The following PLA2R1 variants were observed in gnomAD, a reference collection of about 807,000 sequenced individuals.
PLA2R1 encodes the protein phospholipase A2 receptor 1.
PLA2R1 carries 158 observed loss-of-function variants against 195.9 expected under a neutral mutation model. The observed-to-expected ratio is 0.81, with a 90% CI of 0.71 to 0.92. The LOEUF (loss-of-function observed/expected upper bound fraction) is 0.92. Ranked by LOEUF, PLA2R1 falls within the 40% of genes least tolerant of loss-of-function variation. PLA2R1 has a pLI of 0.00. For synonymous variants in PLA2R1, 586 were observed against 598.2 expected, an observed-to-expected ratio of 0.98 and a Z score of 0.30; for missense variants, 1,626 against 1,764.6, an observed-to-expected ratio of 0.92 and a Z score of 1.41.
chr2:160,012,192 T>G (rs902929955), intron 10 of PLA2R1, among the ~76,000 whole-genome samples: 4 of 152,192 alleles, frequency 2.6e-5, no homozygotes, highest in African/African-American at 9.7e-5. Flanking sequence ...ATTCAGTGAA[T>G]ATTTTTAAAG....
At chr2:159,943,114 TG>T (rs11336967) in intron 28 of PLA2R1, among the ~76,000 whole-genome samples, 55,247 of 151,664 alleles carry the variant, frequency 0.36, 12,642 homozygotes, top group Non-Finnish European at 0.51. Context: ...GGATTACGGG[TG>T]TGTGCCATCA....
chr2:159,988,836 G>A (rs1431635140), intron 11 of PLA2R1, among the ~76,000 whole-genome samples: 1 of 152,212 alleles, frequency 6.6e-6, no homozygotes, highest in Non-Finnish European at 1.5e-5. Flanking sequence ...GAGGGAAAAT[G>A]AAGAGTGCAA....
intron 7 of PLA2R1, among the ~76,000 whole-genome samples, chr2:160,022,236 A>T (rs1558946794): frequency 6.6e-6 from 1 of 152,184 alleles, no homozygotes; most frequent in African/African-American, 2.4e-5. Flanking sequence ...CAGTCTGAAC[A>T]TCACCTCACC....
At chr2:160,005,876 G>T in intron 10 of PLA2R1, 55 bp from the exon 11 acceptor site, 1 of 1,247,736 alleles carries the variant, frequency 8.0e-7, no homozygotes, top group Non-Finnish European at 1.2e-6. Flanking sequence ...ATAAAAAAAT[G>T]TCATTAAAGC....
At chr2:159,982,908 T>A (rs1170065212) in intron 13 of PLA2R1, among the ~76,000 whole-genome samples, 10 of 152,156 alleles carry the variant, frequency 6.6e-5, no homozygotes, top group Non-Finnish European at 1.0e-4. Flanking sequence ...GATCACAACA[T>A]CCTCAGAGGC....
the PLA2R1 span, among the ~76,000 whole-genome samples, chr2:159,925,083 C>T: frequency 1.3e-5 from 2 of 152,154 alleles, no homozygotes; most frequent in Non-Finnish European, 2.9e-5. Flanking sequence ...CCCCCTTTCC[C>T]CGATACACAT....
intron 17 of PLA2R1, among the ~76,000 whole-genome samples, chr2:159,975,566 AC>A (rs951767123): frequency 2.0e-5 from 3 of 150,692 alleles, no homozygotes; most frequent in African/African-American, 7.3e-5. Flanking sequence ...ACTGCCAGGC[AC>A]CCCCCCAGGT....
chr2:159,967,667 T>C lies in PLA2R1; in HGVS notation c.2776A>G (p.Ser926Gly), dbSNP rs1161286695. The C allele has an allele frequency of 6.2e-7, 1 of 1,613,586 alleles. No individual in the cohort carries two copies. Among genetic ancestry groups the C allele is most frequent in the East Asian group, 2.2e-5 (1 of 44,834 alleles). ...GGCATAGAAACTGAACACTCTTCAC[T>C]ACCCCAGAGTCCTGGAGGAGAAAAT... ...FISSITGLWG[S>G]EECSVSMPSI... Residue 926 changes from serine (S) to glycine (G), a missense_variant, in exon 20 of 30, where the codon AGT becomes GGT. Ser to Gly is a moderately conservative substitution (Grantham distance 56). Transcript: ENST00000283243.
intron 20 of PLA2R1, among the ~76,000 whole-genome samples, chr2:159,963,592 A>AT (rs1688591293): frequency 1.3e-5 from 2 of 152,310 alleles, no homozygotes; most frequent in South Asian, 4.1e-4. Flanking sequence ...TTTAATAGAC[A>AT]TTTTTCCAAA....
At chr2:160,030,436 G>A (rs1201514369) in intron 4 of PLA2R1, among the ~76,000 whole-genome samples, 6 of 152,132 alleles carry the variant, frequency 3.9e-5, no homozygotes, top group African/African-American at 2.4e-5. Flanking sequence ...AAATTTTCAC[G>A]TTTCACATCC....
downstream of PLA2R1, among the ~76,000 whole-genome samples, chr2:159,928,546 T>C (rs1235422285): frequency 6.6e-6 from 1 of 152,202 alleles, no homozygotes; most frequent in East Asian, 1.9e-4. Context: ...TGTTCATGGA[T>C]AGGTGGAATC....
intron 11 of PLA2R1, among the ~76,000 whole-genome samples, chr2:159,997,669 A>T (rs57751799): frequency 0.36 from 54,452 of 151,912 alleles, 12,285 homozygotes; most frequent in Non-Finnish European, 0.49. Flanking sequence ...AGTTTTATCA[A>T]TGACAGTTCA....
At chr2:159,930,324 C>T (rs908969185), downstream of PLA2R1, among the ~76,000 whole-genome samples, 4 of 151,330 alleles carry the variant, frequency 2.6e-5, no homozygotes, top group Non-Finnish European at 5.9e-5. Context: ...AGGAGAATGG[C>T]GTGAACCTGG....
In PLA2R1 at chr2:159,984,055, C is replaced by A. The variant is rs770578914; in HGVS notation, c.2056G>T (p.Val686Phe). 5.8e-6 allele frequency: 9 copies of A among 1,563,426 alleles called. No homozygotes were observed. The highest frequency in any genetic ancestry group is 4.5e-5 in the South Asian group (4 of 88,068). ...SCFKVFHSEK[V>F]LMKRTWREAE... ...TCTCTCCATGTTCTTTTCATCAGAA[C>A]TTTTTCACTATGAAATACCTGTATA... is the stretch of plus-strand genomic sequence containing the variant. The change falls in exon 13 of 30, where the codon GTT becomes TTT. Residue 686 changes from valine to phenylalanine, a missense_variant. Transcript: ENST00000283243.
the PLA2R1 span, among the ~76,000 whole-genome samples, chr2:159,924,735 G>T: frequency 4.7e-5 from 7 of 150,236 alleles, no homozygotes; most frequent in Admixed American, 4.6e-4. Context: ...GGGCTGGGGG[G>T]GGGGCGGTGC....
intron 1 of PLA2R1, among the ~76,000 whole-genome samples, chr2:160,054,828 G>A (rs936410197): frequency 2.0e-5 from 3 of 151,918 alleles, no homozygotes; most frequent in Admixed American, 1.3e-4. Context: ...CTATGTGTTG[G>A]AACATCTCCA....
At chr2:160,051,409 GC>G (rs552110720) in intron 1 of PLA2R1, among the ~76,000 whole-genome samples, 15 of 152,338 alleles carry the variant, frequency 9.8e-5, no homozygotes, top group Admixed American at 9.8e-4. Flanking sequence ...CTGCCCGGCA[GC>G]CTGTCTTGAC....
chr2:159,933,413 A>G lies in PLA2R1; in HGVS notation c.*8365T>C, dbSNP rs1386780243. 6.6e-6 allele frequency: 1 copy of G among 152,156 alleles called. No individual in the cohort carries two copies. Among genetic ancestry groups the G allele is most frequent in the Non-Finnish European group, 1.5e-5 (1 of 68,032 alleles). 9.4% of individuals were successfully genotyped at this position (152,156 alleles called of 1,614,324 possible). A position where few individuals can be genotyped will look rare whatever the true frequency, so the allele number is the denominator to read the frequency against. On this transcript the variant is annotated 3_prime_UTR_variant, in exon 30 of 30. Transcript: ENST00000283243. ...TAAAAACTTGCTTTCTAACTCAAAA[A>G]ATACTAAAGAAAGCTGTTTATCTAA...
chr2:159,930,572 T>C (rs545432770), downstream of PLA2R1, among the ~76,000 whole-genome samples: 2 of 152,238 alleles, frequency 1.3e-5, no homozygotes, highest in East Asian at 3.9e-4. Flanking sequence ...AGGGGTCTAA[T>C]ATACTCAAAG....
Sources: gnomAD v4.1 joint callset for allele counts (sites outside exome capture counted in the v4.1 genomes callset) on GRCh38, gnomAD v4.1.1 for gene constraint, MANE v1.5 for transcripts, NCBI Gene and HGNC (gene_info 2026-07-23, HGNC 2026-07-21) for gene names.